The following TMLHE variants were observed in gnomAD, a reference collection of about 807,000 sequenced individuals.
TMLHE encodes trimethyllysine dioxygenase, mitochondrial.
A neutral mutation model predicts 25.7 loss-of-function variants in TMLHE; 18 were observed. That is an observed-to-expected ratio of 0.70 (90% CI 0.48 to 1.04). The LOEUF (loss-of-function observed/expected upper bound fraction) is 1.04, where lower values mean the gene tolerates loss of function less well. TMLHE is among the 50% of genes least tolerant of loss of function. The pLI is 0.00. For synonymous variants in TMLHE, 105 were observed against 97.0 expected, an observed-to-expected ratio of 1.08 and a Z score of -0.49; for missense variants, 236 against 259.0, an observed-to-expected ratio of 0.91 and a Z score of 0.61.
At chrX:155,535,587 A>C (rs782232941) in intron 2 of TMLHE, among the ~76,000 whole-genome samples, 5 of 112,363 alleles carry the variant, frequency 4.4e-5, no homozygotes, top group African/African-American at 1.6e-4. Flanking sequence ...TTCAGTCCAT[A>C]GCACTGGCCC....
Position 155,566,687 on chromosome X carries a change from C to T in TMLHE, c.-1-21410G>A, listed in dbSNP as rs1318054624. 4.9e-5 allele frequency among the ~76,000 whole-genome samples: 3 copies of T among 61,320 alleles called. 1 individual carries two copies. The highest frequency in any genetic ancestry group is 3.6e-5 in the African/African-American group (1 of 27,618). The allele number at this position is 61,320 out of a possible 115,157, so 53.2% of individuals were successfully genotyped here. On this transcript the variant is annotated intron_variant, in intron 1 of 7. Coordinates refer to ENST00000334398, the MANE Select transcript of TMLHE (RefSeq NM_018196.4). Reference sequence around the variant, plus strand: ...CTCCCTTTTTATGGGTTGAGGTACACGCTGAGAGAGTAGGTATATGTGACT... The same window carrying T: ...CTCCCTTTTTATGGGTTGAGGTACATGCTGAGAGAGTAGGTATATGTGACT...
At chrX:155,583,587 A>T (rs1489619938) in intron 1 of TMLHE, among the ~76,000 whole-genome samples, 1 of 111,609 alleles carries the variant, frequency 9.0e-6, no homozygotes, top group African/African-American at 3.3e-5. Flanking sequence ...ATGGATGACT[A>T]AATAAAATGT....
chrX:155,551,506 G>A lies in TMLHE; in HGVS notation c.-1-6229C>T, dbSNP rs905511468. ...TTACATTCCCACCAACAGTGTAAAAGCGTTCCTATTTCTCCACAGCCTCTC... is the reference window on the plus strand; with the variant it reads ...TTACATTCCCACCAACAGTGTAAAAACGTTCCTATTTCTCCACAGCCTCTC... On this transcript the variant is annotated intron_variant, in intron 1 of 7. Transcript: ENST00000334398. 1.2e-3 allele frequency among the ~76,000 whole-genome samples: 126 copies of A among 109,100 alleles called. 7 individuals are homozygous for A. Among genetic ancestry groups the A allele is most frequent in the African/African-American group, 4.2e-3 (122 of 29,261 alleles). The allele number at this position is 109,100 out of a possible 115,157, so 94.7% of individuals were successfully genotyped here.
In TMLHE at chrX:155,511,725, TG is replaced by T. The variant is rs2067114570; in HGVS notation, c.705del (p.Lys236SerfsTer2). ...TCAGTGTGCCGATCCAGAGCTAGCT[TG>T]GTGTACGCAGTGTCACCTCTGGAGA... ...SDFSRGDTAY[T>X]KLALDRHTDT... On this transcript the variant is annotated frameshift_variant, in exon 5 of 8. Coordinates refer to ENST00000334398, the MANE Select transcript of TMLHE (RefSeq NM_018196.4). LOFTEE classifies it high-confidence loss of function. The T allele has an allele frequency of 8.3e-7, 1 of 1,201,612 alleles. No individual in the cohort carries two copies. Among genetic ancestry groups the T allele is most frequent in the Non-Finnish European group, 1.1e-6 (1 of 889,550 alleles).
At chrX:155,545,853 G>A (rs1388274886) in intron 1 of TMLHE, among the ~76,000 whole-genome samples, 1 of 110,758 alleles carries the variant, frequency 9.0e-6, no homozygotes, top group African/African-American at 3.3e-5. Flanking sequence ...ATACCATCTG[G>A]GTTTGTTAAC....
intron 1 of TMLHE, among the ~76,000 whole-genome samples, chrX:155,608,206 A>G (rs1302308742): frequency 1.8e-5 from 2 of 111,988 alleles, no homozygotes; most frequent in East Asian, 5.5e-4. Context: ...ACAAAAACAG[A>G]CATATAGACC....
At chrX:155,589,256 T>C (rs2067682071) in intron 1 of TMLHE, among the ~76,000 whole-genome samples, 1 of 111,430 alleles carries the variant, frequency 9.0e-6, no homozygotes, top group African/African-American at 3.3e-5. Context: ...GAGACCTGCC[T>C]GGCCAACATG....
intron 1 of TMLHE, among the ~76,000 whole-genome samples, chrX:155,591,662 T>C (rs1216829132): frequency 1.8e-5 from 2 of 111,793 alleles, no homozygotes; most frequent in Non-Finnish European, 3.8e-5. Context: ...ACTTCACACC[T>C]ATTAGAATGG....
intron 5 of TMLHE, among the ~76,000 whole-genome samples, chrX:155,510,130 T>C (rs188369069): frequency 1.8e-5 from 2 of 111,485 alleles, no homozygotes; most frequent in African/African-American, 3.2e-5. Flanking sequence ...GGTTAGGCAA[T>C]ACTTTTTTGG....
rs782818806 is a variant in TMLHE, at chrX:155,505,722, T to G, written c.995+1176A>C. Among the ~76,000 whole-genome samples, 26 of 111,768 alleles carry G rather than the reference T, an allele frequency of 2.3e-4. No individual in the cohort carries two copies. In the South Asian group the frequency reaches 9.7e-3, roughly 42 times the overall value. ...TTGATATATTATATATTTGCTTATT[T>G]ATTTTTAATTACTCTGTCGTCACTA... On this transcript the variant is annotated intron_variant, in intron 6 of 7. Transcript: ENST00000334398.
At chrX:155,595,244 C>G (rs1053149124) in intron 1 of TMLHE, among the ~76,000 whole-genome samples, 1 of 111,747 alleles carries the variant, frequency 8.9e-6, no homozygotes, top group African/African-American at 3.3e-5. Flanking sequence ...TTCATAGACA[C>G]CTCTTGTTGC....
intron 1 of TMLHE, among the ~76,000 whole-genome samples, chrX:155,591,892 C>G (rs782135447): frequency 1.8e-5 from 2 of 111,967 alleles, no homozygotes; most frequent in African/African-American, 6.5e-5. Flanking sequence ...GACATCTGCA[C>G]CCCCATGCTC....
At chrX:155,507,414 A>G (rs1334930675) in intron 5 of TMLHE, among the ~76,000 whole-genome samples, 1 of 109,525 alleles carries the variant, frequency 9.1e-6, no homozygotes, top group Non-Finnish European at 1.9e-5. Context: ...TATATAACCT[A>G]TATTTTCAAG....
chrX:155,529,439 T>C (rs2067237131), intron 2 of TMLHE, among the ~76,000 whole-genome samples: 1 of 112,296 alleles, frequency 8.9e-6, no homozygotes, highest in Non-Finnish European at 1.9e-5. Context: ...TTTCCATAAT[T>C]GGTACACCAA....
intron 1 of TMLHE, among the ~76,000 whole-genome samples, chrX:155,552,634 G>A (rs2067422504): frequency 1.8e-5 from 2 of 109,398 alleles, no homozygotes; most frequent in South Asian, 3.8e-4. Context: ...ATTTCTAGTG[G>A]TATTATCAAT....
At chrX:155,528,485 C>T (rs1297402268) in intron 2 of TMLHE, among the ~76,000 whole-genome samples, 3 of 110,189 alleles carry the variant, frequency 2.7e-5, no homozygotes, top group Admixed American at 9.7e-5. Context: ...TATCCCCCTC[C>T]TTCCCTCTCC....
At chrX:155,511,565 T>C in intron 5 of TMLHE, 108 bp downstream of exon 5, 1 of 792,790 alleles carries the variant, frequency 1.3e-6, no homozygotes, top group South Asian at 4.4e-5. Context: ...CATACAAATC[T>C]GCAGGAGCAG....
At chrX:155,546,754 C>A (rs949006900) in intron 1 of TMLHE, among the ~76,000 whole-genome samples, 1 of 111,567 alleles carries the variant, frequency 9.0e-6, no homozygotes, top group Non-Finnish European at 1.9e-5. Context: ...ACAGAAACTC[C>A]TCTGCTGATA....
rs186167589 is a variant in TMLHE at position 155,549,846 on chromosome X, G to C, written c.-1-4569C>G. On this transcript the variant is annotated intron_variant, in intron 1 of 7. Transcript: ENST00000334398. ...ACCCATAAACCCGTCACCTACACTAGGTATTTCTCCTAATGCTATCCCTCC... is the reference window on the plus strand; with the variant it reads ...ACCCATAAACCCGTCACCTACACTACGTATTTCTCCTAATGCTATCCCTCC... Among the ~76,000 whole-genome samples the C allele has an allele frequency of 1.2e-3, 136 of 109,858 alleles. 4 individuals carry two copies. The highest frequency in any genetic ancestry group is 4.4e-3 in the African/African-American group (130 of 29,704).
Sources: gnomAD v4.1 joint callset for allele counts (sites outside exome capture counted in the v4.1 genomes callset) on GRCh38, gnomAD v4.1.1 for gene constraint, MANE v1.5 for transcripts, NCBI Gene and HGNC (gene_info 2026-07-23, HGNC 2026-07-21) for gene names.